Variants in ADRA2C observed in about 807,000 individuals in gnomAD.
ADRA2C encodes the protein adrenoceptor alpha 2C.
ADRA2C carries 4 observed loss-of-function variants against 7.9 expected under a neutral mutation model. That is an observed-to-expected ratio of 0.51 (90% CI 0.25 to 1.16). ADRA2C has a LOEUF of 1.16. Ranked by LOEUF, ADRA2C falls within the 50% of genes most tolerant of loss-of-function variation. The probability of loss-of-function intolerance (pLI) is 0.15; values close to 1 mark genes in which losing one functional copy is unlikely to be tolerated. For missense variants in ADRA2C, 589 were observed against 677.7 expected, an observed-to-expected ratio of 0.87 and a Z score of 1.45; for synonymous variants, 368 against 328.9, an observed-to-expected ratio of 1.12 and a Z score of -1.29.
chr4:3,766,558 G>C lies in ADRA2C; in HGVS notation c.-49G>C, dbSNP rs1735430320. ...CCGGCTGGGGGGCGCCCGAGCTGCC[G>C]CGGCTGCGCCCCGGCTCCAGGAGGG... On this transcript the variant is annotated 5_prime_UTR_variant, in exon 1 of 1. Transcript: ENST00000330055. This position sits in a 1 kb window ranked among gnomAD's most constrained non-coding sequence, Gnocchi z 4.5. 6 of 1,112,650 alleles carry C rather than the reference G, an allele frequency of 5.4e-6. No individual in the cohort carries two copies. The highest frequency in any genetic ancestry group is 6.6e-6 in the Non-Finnish European group (6 of 913,348). 68.9% of individuals were successfully genotyped at this position (1,112,650 alleles called of 1,614,324 possible). A position where few individuals can be genotyped will look rare whatever the true frequency, so the allele number is the denominator to read the frequency against.
Position 3,766,500 on chromosome 4 carries a change from C to A in ADRA2C, c.-107C>A. On this transcript the variant is annotated 5_prime_UTR_variant, in exon 1 of 1. Transcript: ENST00000330055. This position sits in a 1 kb window ranked among gnomAD's most constrained non-coding sequence, Gnocchi z 4.5. ...GGCGCCGCGGTCCCCGGCGGGCGCGCCCGAGCAGCAGGCGGCGATGCGGGC... is the reference window on the plus strand; with the variant it reads ...GGCGCCGCGGTCCCCGGCGGGCGCGACCGAGCAGCAGGCGGCGATGCGGGC... 1.2e-6 allele frequency: 1 copy of A among 836,520 alleles called. No homozygotes were observed. The highest frequency in any genetic ancestry group is 1.4e-6 in the Non-Finnish European group (1 of 695,392). The allele number at this position is 836,520 out of a possible 1,614,324, so 51.8% of individuals were successfully genotyped here.
chr4:3,768,365 T>A lies in ADRA2C; in HGVS notation c.*370T>A, dbSNP rs1735508529. On this transcript the variant is annotated 3_prime_UTR_variant, in exon 1 of 1. Coordinates refer to ENST00000330055, the MANE Select transcript of ADRA2C (RefSeq NM_000683.4). ...AAGACACTACCACTCCCCATCCCCGTCTGACCAAGGGCTGACTTCTCCAGG... is the reference window on the plus strand; with the variant it reads ...AAGACACTACCACTCCCCATCCCCGACTGACCAAGGGCTGACTTCTCCAGG... 5 of 702,792 alleles carry A rather than the reference T, an allele frequency of 7.1e-6. No homozygotes were observed. Among genetic ancestry groups the A allele is most frequent in the Non-Finnish European group, 1.3e-5 (5 of 376,996 alleles). The allele number at this position is 702,792 out of a possible 1,614,324, so 43.5% of individuals were successfully genotyped here. A position where few individuals can be genotyped will look rare whatever the true frequency, so the allele number is the denominator to read the frequency against.
rs535437728 is a variant in ADRA2C at position 3,767,366 on chromosome 4, G to C, written c.760G>C (p.Asp254His). The stretch of plus-strand genomic sequence containing the variant: ...CGAGAAGCGCGCCCCCGTGGGCCCC[G>C]ACGGTGCGTCCCCGACTACCGAAAA... ...LSEKRAPVGP[D>H]GASPTTENGL... Residue 254 changes from aspartate to histidine, a missense_variant, in exon 1 of 1, where the codon GAC (aspartate) becomes CAC (histidine). Physicochemically the swap from Asp to His is moderately conservative, Grantham distance 81 (BLOSUM62 -1). Coordinates refer to ENST00000330055, the MANE Select transcript of ADRA2C (RefSeq NM_000683.4). 1.9e-6 allele frequency: 3 copies of C among 1,542,668 alleles called. No individual in the cohort carries two copies. In the African/African-American group the frequency reaches 4.1e-5, roughly 21 times the overall value.
chr4:3,768,381 C>A lies in ADRA2C; in HGVS notation c.*386C>A, dbSNP rs1438739892. 4.4e-6 allele frequency: 3 copies of A among 687,580 alleles called. No homozygotes were observed. The East Asian group carries it at 8.2e-5, about 19-fold the overall frequency. The allele number at this position is 687,580 out of a possible 1,614,324, so 42.6% of individuals were successfully genotyped here. On this transcript the variant is annotated 3_prime_UTR_variant, in exon 1 of 1. Transcript: ENST00000330055. ...CCATCCCCGTCTGACCAAGGGCTGA[C>A]TTCTCCAGGACCTAGTCGGGGGGTG...
chr4:3,768,063 G>GGGGAGCTTTCCCAGAGACCCA lies in ADRA2C; in HGVS notation c.*88_*89insAGGGAGCTTTCCCAGAGACCC. ...CTGGGCAGAAGGGGCGGCCCGGACGGGGGAGCTTTCCCAGAGACCCGGGGA... is the reference window on the plus strand; with the variant it reads ...CTGGGCAGAAGGGGCGGCCCGGACGGGGGAGCTTTCCCAGAGACCCAGGGAGCTTTCCCAGAGACCCGGGGA... On this transcript the variant is annotated 3_prime_UTR_variant, in exon 1 of 1. Coordinates refer to ENST00000330055, the MANE Select transcript of ADRA2C (RefSeq NM_000683.4). 1 of 1,446,646 alleles carries GGGGAGCTTTCCCAGAGACCCA rather than the reference G, an allele frequency of 6.9e-7. No individual in the cohort carries two copies. Among genetic ancestry groups the GGGGAGCTTTCCCAGAGACCCA allele is most frequent in the Non-Finnish European group, 9.2e-7 (1 of 1,088,210 alleles). The allele number at this position is 1,446,646 out of a possible 1,614,324, so 89.6% of individuals were successfully genotyped here.
chr4:3,767,244 C>T lies in ADRA2C; in HGVS notation c.638C>T (p.Ser213Phe). ...GLNDETWYIL[S>F]SCIGSFFAPC... ...AACGACGAGACCTGGTACATCCTGT[C>T]CTCCTGCATCGGCTCCTTCTTCGCG... Residue 213 changes from serine to phenylalanine, a missense_variant, in exon 1 of 1, where the codon TCC becomes TTC. Coordinates refer to ENST00000330055, the MANE Select transcript of ADRA2C (RefSeq NM_000683.4). 6 of 1,609,740 alleles carry T rather than the reference C, an allele frequency of 3.7e-6. No individual in the cohort carries two copies. Among genetic ancestry groups the T allele is most frequent in the East Asian group, 2.2e-5 (1 of 44,748 alleles).
In ADRA2C at chr4:3,767,320, G is replaced by A. The variant is rs1376437567; in HGVS notation, c.714G>A (p.Lys238=). The A allele has an allele frequency of 6.3e-7, 1 of 1,580,014 alleles. No individual in the cohort carries two copies. ...ACGCGCGCATCTACCGAGTGGCCAAGCTGCGCACGCGCACGCTCAGCGAGA... is the reference window on the plus strand; with the variant it reads ...ACGCGCGCATCTACCGAGTGGCCAAACTGCGCACGCGCACGCTCAGCGAGA... ...LVYARIYRVA[K]LRTRTLSEKR... is the part of the protein sequence containing the mutation. The change falls in exon 1 of 1, where the codon AAG becomes AAA. Residue 238 remains lysine, a synonymous_variant. Coordinates refer to ENST00000330055, the MANE Select transcript of ADRA2C (RefSeq NM_000683.4).
At position 3,766,542 on chromosome 4, in the gene ADRA2C, G is replaced by A. The variant is rs1442805054; in HGVS notation, c.-65G>A. ...GATGCGGGCGCCGACCCCGGCTGGG[G>A]GGCGCCCGAGCTGCCGCGGCTGCGC... On this transcript the variant is annotated 5_prime_UTR_variant, in exon 1 of 1. Transcript: ENST00000330055. The surrounding 1 kb of genome is among the most constrained non-coding windows in gnomAD (Gnocchi z 4.5). 1.2e-5 allele frequency: 13 copies of A among 1,063,790 alleles called. No homozygotes were observed. The highest frequency in any genetic ancestry group is 5.4e-5 in the Admixed American group (1 of 18,520). 65.9% of individuals were successfully genotyped at this position (1,063,790 alleles called of 1,614,324 possible). A position where few individuals can be genotyped will look rare whatever the true frequency, so the allele number is the denominator to read the frequency against.
Position 3,767,502 on chromosome 4 carries a change from G to C in ADRA2C, c.896G>C (p.Gly299Ala). ...SAAAERRRRR[G>A]ALRRGGRRRA... Reference sequence around the variant, plus strand: ...GCGGCCGAGAGGCGGCGGCGCCGGGGCGCGTTGCGGCGGGGCGGGCGGCGG... The same window carrying C: ...GCGGCCGAGAGGCGGCGGCGCCGGGCCGCGTTGCGGCGGGGCGGGCGGCGG... The change falls in exon 1 of 1, where the codon GGC becomes GCC. Residue 299 changes from glycine (G) to alanine (A), a missense_variant. Gly to Ala is a moderately conservative substitution (Grantham distance 60). Transcript: ENST00000330055. 9.0e-7 allele frequency: 1 copy of C among 1,107,640 alleles called. No individual in the cohort carries two copies. Among genetic ancestry groups the C allele is most frequent in the Non-Finnish European group, 1.1e-6 (1 of 909,730 alleles). The allele number at this position is 1,107,640 out of a possible 1,614,324, so 68.6% of individuals were successfully genotyped here.
At position 3,766,513 on chromosome 4, in the gene ADRA2C, C is replaced by T; in HGVS notation, c.-94C>T. On this transcript the variant is annotated 5_prime_UTR_variant, in exon 1 of 1. Transcript: ENST00000330055. The surrounding 1 kb of genome is among the most constrained non-coding windows in gnomAD (Gnocchi z 4.5). ...CCGGCGGGCGCGCCCGAGCAGCAGGCGGCGATGCGGGCGCCGACCCCGGCT... is the reference window on the plus strand; with the variant it reads ...CCGGCGGGCGCGCCCGAGCAGCAGGTGGCGATGCGGGCGCCGACCCCGGCT... The T allele has an allele frequency of 1.1e-6, 1 of 915,074 alleles. No homozygotes were observed. The highest frequency in any genetic ancestry group is 1.3e-6 in the Non-Finnish European group (1 of 764,194). The allele number at this position is 915,074 out of a possible 1,614,324, so 56.7% of individuals were successfully genotyped here.
chr4:3,767,403 C>A lies in ADRA2C; in HGVS notation c.797C>A (p.Ala266Glu). The A allele has an allele frequency of 6.5e-7, 1 of 1,533,226 alleles. No homozygotes were observed. The highest frequency in any genetic ancestry group is 8.7e-7 in the Non-Finnish European group (1 of 1,144,780). 95.0% of individuals were successfully genotyped at this position (1,533,226 alleles called of 1,614,324 possible). A position where few individuals can be genotyped will look rare whatever the true frequency, so the allele number is the denominator to read the frequency against. The part of the protein sequence containing the change: ...ASPTTENGLG[A>E]AAGAGENGHC... ...CCGACTACCGAAAACGGGCTGGGCGCGGCGGCAGGCGCAGGCGAGAACGGG... is the reference window on the plus strand; with the variant it reads ...CCGACTACCGAAAACGGGCTGGGCGAGGCGGCAGGCGCAGGCGAGAACGGG... The change falls in exon 1 of 1, where the codon GCG (alanine) becomes GAG (glutamate). Residue 266 changes from alanine (A) to glutamate (E), a missense_variant. Transcript: ENST00000330055.
rs1352960889 is a variant in ADRA2C at position 3,767,928 on chromosome 4, A to C, written c.1322A>C (p.Asn441Thr). The change falls in exon 1 of 1, where the codon AAC becomes ACC. Residue 441 changes from asparagine to threonine, a missense_variant. Transcript: ENST00000330055. The stretch of plus-strand genomic sequence containing the variant: ...AACCCGGTCATCTACACGGTCTTCA[A>C]CCAGGATTTCCGGCGATCCTTTAAG... ...SLNPVIYTVF[N>T]QDFRRSFKHI... is the part of the protein sequence containing the mutation. 6 of 1,611,920 alleles carry C rather than the reference A, an allele frequency of 3.7e-6. No individual in the cohort carries two copies. Among genetic ancestry groups the C allele is most frequent in the Non-Finnish European group, 5.1e-6 (6 of 1,179,968 alleles).
rs970661566 is a variant in ADRA2C at position 3,766,675 on chromosome 4, G to A, written c.69G>A (p.Ala23=). The change falls in exon 1 of 1, where the codon GCG becomes GCA. Residue 23 remains alanine (A), a synonymous_variant. Transcript: ENST00000330055. The surrounding 1 kb of genome is among the most constrained non-coding windows in gnomAD (Gnocchi z 4.5). ...CGGCGGGCCCCAATGCGAGCGGCGC[G>A]GGCGAGAGGGGCAGCGGCGGGGTTG... ...AAAAGPNASG[A]GERGSGGVAN... is the part of the protein sequence containing the mutation. 7.2e-7 allele frequency: 1 copy of A among 1,381,820 alleles called. No individual in the cohort carries two copies. Among genetic ancestry groups the A allele is most frequent in the Non-Finnish European group, 9.3e-7 (1 of 1,074,982 alleles). The allele number at this position is 1,381,820 out of a possible 1,614,324, so 85.6% of individuals were successfully genotyped here.
rs989553312 is a variant in ADRA2C at position 3,768,416 on chromosome 4, G to A, written c.*421G>A. ...ACCTAGTCGGGGGGTGGCTGCCAGG[G>A]GGCAAGGAGAAAGCACCGACAATCT... On this transcript the variant is annotated 3_prime_UTR_variant, in exon 1 of 1. Transcript: ENST00000330055. 9.7e-6 allele frequency: 6 copies of A among 618,652 alleles called. No homozygotes were observed. Among genetic ancestry groups the A allele is most frequent in the Middle Eastern group, 2.6e-4 (1 of 3,892 alleles). 38.3% of individuals were successfully genotyped at this position (618,652 alleles called of 1,614,324 possible).
chr4:3,768,333 C>T lies in ADRA2C; in HGVS notation c.*338C>T. ...GCCCCCTAAATGGGCAAGCAAGGAGCCCCCCAAAGACACTACCACTCCCCA... is the reference window on the plus strand; with the variant it reads ...GCCCCCTAAATGGGCAAGCAAGGAGTCCCCCAAAGACACTACCACTCCCCA... On this transcript the variant is annotated 3_prime_UTR_variant, in exon 1 of 1. Transcript: ENST00000330055. The T allele has an allele frequency of 2.8e-6, 2 of 715,706 alleles. 1 individual carries two copies. Among genetic ancestry groups the T allele is most frequent in the South Asian group, 3.0e-5 (2 of 67,336 alleles). The allele number at this position is 715,706 out of a possible 1,614,324, so 44.3% of individuals were successfully genotyped here.
Position 3,767,705 on chromosome 4 carries a change from G to A in ADRA2C, c.1099G>A (p.Val367Met). ...LSRRRRARSS[V>M]CRRKVAQARE... ...GCGCCGGCGCCGGGCGCGCAGCAGC[G>A]TGTGCCGCCGCAAGGTGGCCCAGGC... Residue 367 changes from valine (V) to methionine (M), a missense_variant, in exon 1 of 1, where the codon GTG (valine) becomes ATG (methionine). Transcript: ENST00000330055. 3.1e-6 allele frequency: 5 copies of A among 1,608,678 alleles called. No homozygotes were observed. The highest frequency in any genetic ancestry group is 4.2e-6 in the Non-Finnish European group (5 of 1,178,192).
rs1388520150 is a variant in ADRA2C, at chr4:3,768,199, C to G, written c.*204C>G. 7 of 725,794 alleles carry G rather than the reference C, an allele frequency of 9.6e-6. No homozygotes were observed. In the East Asian group the frequency reaches 1.9e-4, roughly 19 times the overall value. The allele number at this position is 725,794 out of a possible 1,614,324, so 45.0% of individuals were successfully genotyped here. A position where few individuals can be genotyped will look rare whatever the true frequency, so the allele number is the denominator to read the frequency against. ...GAGAGGGGGAGACCCCTTTGCCTTC[C>G]CCCCTCAGCAAGGGGCTGCTTCTGG... On this transcript the variant is annotated 3_prime_UTR_variant, in exon 1 of 1. Transcript: ENST00000330055.
At position 3,767,684 on chromosome 4, in the gene ADRA2C, C is replaced by G. The variant is rs766227098; in HGVS notation, c.1078C>G (p.Arg360Gly). ...CTCCGTCGAGTTCTTCCTGTCGCGC[C>G]GGCGCCGGGCGCGCAGCAGCGTGTG... is the stretch of plus-strand genomic sequence containing the variant. The part of the protein sequence containing the change: ...SRSVEFFLSR[R>G]RRARSSVCRR... The change falls in exon 1 of 1, where the codon CGG (arginine) becomes GGG (glycine). Residue 360 changes from arginine to glycine, a missense_variant. Coordinates refer to ENST00000330055, the MANE Select transcript of ADRA2C (RefSeq NM_000683.4). 6 of 1,590,288 alleles carry G rather than the reference C, an allele frequency of 3.8e-6. No individual in the cohort carries two copies. The highest frequency in any genetic ancestry group is 4.3e-6 in the Non-Finnish European group (5 of 1,170,440).
Position 3,767,652 on chromosome 4 carries a change from G to C in ADRA2C, c.1046G>C (p.Ser349Thr). Residue 349 changes from serine (S) to threonine (T), a missense_variant, in exon 1 of 1, where the codon AGC becomes ACC. Physicochemically the swap from Ser to Thr is moderately conservative, Grantham distance 58. Transcript: ENST00000330055. Reference protein sequence around the residue: ...PGPGGRLSRASSRSVEFFLSR... With the variant: ...PGPGGRLSRATSRSVEFFLSR... The stretch of plus-strand genomic sequence containing the variant: ...CCCGGTGGCCGCCTGTCGCGCGCCA[G>C]CTCGCGCTCCGTCGAGTTCTTCCTG... 2.1e-6 allele frequency: 3 copies of C among 1,455,780 alleles called. No homozygotes were observed. Among genetic ancestry groups the C allele is most frequent in the Non-Finnish European group, 1.8e-6 (2 of 1,111,036 alleles). The allele number at this position is 1,455,780 out of a possible 1,614,324, so 90.2% of individuals were successfully genotyped here.
Sources: gnomAD v4.1 joint callset for allele counts on GRCh38, gnomAD v4.1.1 for gene constraint, Gnocchi (gnomAD v3.1) non-coding constraint, MANE v1.5 for transcripts, NCBI Gene and HGNC (gene_info 2026-07-23, HGNC 2026-07-21) for gene names.